The following FUBP3 variants were observed in gnomAD, a reference collection of about 807,000 sequenced individuals.
The protein encoded by FUBP3 is far upstream element-binding protein 3.
Under a neutral mutation model 85.6 loss-of-function variants are expected in FUBP3, and 28 were observed. That is an observed-to-expected ratio of 0.33 (90% CI 0.24 to 0.45). FUBP3 has a LOEUF of 0.45. FUBP3 is among the 20% of genes least tolerant of loss of function. The pLI is 1.00. For synonymous variants in FUBP3, 271 were observed against 271.4 expected (o/e 1.00, Z 0.01); for missense variants, 583 against 755.1 (o/e 0.77, Z 2.67).
At chr9:130,606,440 G>T (rs1409560556) in intron 2 of FUBP3, among the ~76,000 whole-genome samples, 1 of 152,192 alleles carries the variant, frequency 6.6e-6, no homozygotes, top group Non-Finnish European at 1.5e-5. Flanking sequence ...TTCCGTGTGG[G>T]TGCCAGCCCG....
intron 11 of FUBP3, among the ~76,000 whole-genome samples, chr9:130,624,817 G>A (rs1402508167): frequency 1.3e-5 from 2 of 152,136 alleles, no homozygotes; most frequent in Admixed American, 1.3e-4. Flanking sequence ...GCCAGGCACG[G>A]TGGCTCACTC....
chr9:130,615,551 AC>A (rs1831960645), intron 6 of FUBP3, among the ~76,000 whole-genome samples: 1 of 141,690 alleles, frequency 7.1e-6, no homozygotes, highest in South Asian at 2.1e-4. Flanking sequence ...ACGAGAAATA[AC>A]AACCAGGAGA....
intron 2 of FUBP3, among the ~76,000 whole-genome samples, chr9:130,607,387 A>AGT (rs1007111477): frequency 6.8e-6 from 1 of 147,916 alleles, no homozygotes; most frequent in Non-Finnish European, 1.5e-5. Context: ...CGTATTATAT[A>AGT]GTGCACAAGG....
At chr9:130,619,660 G>A (rs77553181) in intron 8 of FUBP3, among the ~76,000 whole-genome samples, 4,510 of 152,204 alleles carry the variant, frequency 0.03, 115 homozygotes, top group South Asian at 0.09. Flanking sequence ...GGTCTTTAGC[G>A]CAGATTCCTG....
intron 1 of FUBP3, among the ~76,000 whole-genome samples, chr9:130,589,817 C>T (rs910075195): frequency 7.5e-5 from 11 of 147,250 alleles, no homozygotes; most frequent in African/African-American, 2.3e-4. Context: ...CTCAAGGGAT[C>T]CTCCTGCCTC....
chr9:130,618,062 G>T (rs554560150), intron 8 of FUBP3, among the ~76,000 whole-genome samples, 167 bp downstream of exon 8: 2 of 152,282 alleles, frequency 1.3e-5, no homozygotes, highest in Admixed American at 1.3e-4. Flanking sequence ...GGTTTGTGCT[G>T]CCCAAAACCA....
intron 13 of FUBP3, chr9:130,631,084 C>T (rs1382092129): frequency 1.8e-6 from 2 of 1,085,632 alleles, no homozygotes; most frequent in Non-Finnish European, 2.3e-6. Flanking sequence ...CAGCCTCCCC[C>T]CACGCTGCCC....
At position 130,631,610 on chromosome 9, in the gene FUBP3, A is replaced by G. The variant is rs1174710958; in HGVS notation, c.1332A>G (p.Pro444=). The G allele has an allele frequency of 9.9e-6, 16 of 1,613,362 alleles. No individual in the cohort carries two copies. The highest frequency in any genetic ancestry group is 1.4e-5 in the Non-Finnish European group (16 of 1,179,454). The change falls in exon 14 of 19, where the codon CCA becomes CCG. Residue 444 remains proline (P), a synonymous_variant. Transcript: ENST00000319725. ...GAFGQSPFSQ[P]PAPPHQNTFP... ...TCGGACAGAGTCCATTCAGCCAGCCACCTGCCCCACCTCATCAAAAGTGAG... is the reference window on the plus strand; with the variant it reads ...TCGGACAGAGTCCATTCAGCCAGCCGCCTGCCCCACCTCATCAAAAGTGAG...
Position 130,590,735 on chromosome 9 carries a change from T to G in FUBP3, c.85-4748T>G, listed in dbSNP as rs536115960. On this transcript the variant is annotated intron_variant, in intron 1 of 18. Transcript: ENST00000319725. ...TGTGCACTGGAAGTCAGGCTTTATT[T>G]AAGTCCTTGGGAACTGAGATATGTT... Among the ~76,000 whole-genome samples the G allele has an allele frequency of 3.9e-5, 6 of 152,308 alleles. No individual in the cohort carries two copies. The East Asian group carries it at 1.2e-3, about 29-fold the overall frequency.
In FUBP3 at chr9:130,638,309, C is replaced by G. The variant is rs961470595; in HGVS notation, c.*1287C>G. 3.3e-5 allele frequency: 5 copies of G among 152,594 alleles called. No individual in the cohort carries two copies. Among genetic ancestry groups the G allele is most frequent in the African/African-American group, 1.2e-4 (5 of 41,442 alleles). 9.5% of individuals were successfully genotyped at this position (152,594 alleles called of 1,614,324 possible). A position where few individuals can be genotyped will look rare whatever the true frequency, so the allele number is the denominator to read the frequency against. ...TATTTGACTGACAATTCATTTTACACTCTATATAATAAAATCTCCACAAGG... is the reference window on the plus strand; with the variant it reads ...TATTTGACTGACAATTCATTTTACAGTCTATATAATAAAATCTCCACAAGG... On this transcript the variant is annotated 3_prime_UTR_variant, in exon 19 of 19. Transcript: ENST00000319725.
intron 6 of FUBP3, 58 bp downstream of exon 6, chr9:130,614,403 A>AAG: frequency 2.8e-6 from 3 of 1,061,594 alleles, no homozygotes; most frequent in Non-Finnish European, 4.4e-6. Flanking sequence ...CCAAATGGGG[A>AAG]GAAATGGAAG....
intron 1 of FUBP3, among the ~76,000 whole-genome samples, chr9:130,590,112 G>A (rs2119015963): frequency 7.2e-6 from 1 of 138,514 alleles, no homozygotes; most frequent in South Asian, 2.3e-4. Context: ...TTTTTTAAAA[G>A]GGAACTAAGT....
At chr9:130,613,971 G>C (rs1039359937) in intron 5 of FUBP3, among the ~76,000 whole-genome samples, 2 of 152,226 alleles carry the variant, frequency 1.3e-5, no homozygotes, top group South Asian at 2.1e-4. Flanking sequence ...CTGAGGAATA[G>C]CACGATAAAG....
chr9:130,633,819 A>G (rs1489911627), intron 16 of FUBP3, among the ~76,000 whole-genome samples: 4 of 152,106 alleles, frequency 2.6e-5, no homozygotes, highest in African/African-American at 7.2e-5. Flanking sequence ...GCTCCTCAGT[A>G]TGCAGTAAAG....
At chr9:130,625,557 C>G (rs1458632520) in intron 11 of FUBP3, among the ~76,000 whole-genome samples, 1 of 152,266 alleles carries the variant, frequency 6.6e-6, no homozygotes, top group East Asian at 1.9e-4. Flanking sequence ...GGTTCACCCT[C>G]CACATTTAAG....
intron 2 of FUBP3, among the ~76,000 whole-genome samples, chr9:130,601,630 C>G (rs913063317): frequency 7.3e-5 from 11 of 151,690 alleles, no homozygotes; most frequent in Admixed American, 5.9e-4. Context: ...CCTTTTTATT[C>G]TTTTTACTTC....
chr9:130,624,609 T>TGTGTGTG (rs1829889414), intron 11 of FUBP3, among the ~76,000 whole-genome samples: 41 of 143,876 alleles, frequency 2.8e-4, no homozygotes, highest in Admixed American at 2.8e-3. Context: ...TTACAAGATT[T>TGTGTGTG]TGTGTGTGTG....
At chr9:130,628,085 C>CACAT (rs756266448) in intron 12 of FUBP3, among the ~76,000 whole-genome samples, 23 of 125,430 alleles carry the variant, frequency 1.8e-4, no homozygotes, top group South Asian at 8.3e-4. Context: ...ACTAAACACA[C>CACAT]GCACGCACGC....
intron 11 of FUBP3, 56 bp downstream of exon 11, chr9:130,623,767 C>T: frequency 8.3e-7 from 1 of 1,205,532 alleles, no homozygotes. Flanking sequence ...GAAAGTGCTA[C>T]CCGGGGCTCT....
Sources: gnomAD v4.1 joint callset for allele counts (sites outside exome capture counted in the v4.1 genomes callset) on GRCh38, gnomAD v4.1.1 for gene constraint, MANE v1.5 for transcripts, NCBI Gene and HGNC (gene_info 2026-07-23, HGNC 2026-07-21) for gene names.